The following NELL1 variants were observed in gnomAD, a reference collection of about 807,000 sequenced individuals.
The protein encoded by NELL1 is neural EGFL like 1.
NELL1 carries 76 observed loss-of-function variants against 107.4 expected under a neutral mutation model. The observed-to-expected ratio is 0.71, with a 90% CI of 0.59 to 0.86. The LOEUF (loss-of-function observed/expected upper bound fraction) is 0.86, where lower values mean the gene tolerates loss of function less well. Among genes scored for constraint, NELL1 ranks in the 40% least tolerant of loss-of-function variants. NELL1 has a pLI of 0.00. For missense variants in NELL1, 1,024 were observed against 1,005.5 expected, an observed-to-expected ratio of 1.02 and a Z score of -0.25; for synonymous variants, 353 against 341.2, an observed-to-expected ratio of 1.03 and a Z score of -0.38.
chr11:21,249,470 A>C (rs1858582695), intron 14 of NELL1, among the ~76,000 whole-genome samples: 1 of 151,946 alleles, frequency 6.6e-6, no homozygotes, highest in Non-Finnish European at 1.5e-5. Context: ...TATTGGTTAC[A>C]AAACCTAAGC....
At chr11:20,920,780 G>A (rs1473015862) in intron 7 of NELL1, among the ~76,000 whole-genome samples, 1 of 151,668 alleles carries the variant, frequency 6.6e-6, no homozygotes, top group Non-Finnish European at 1.5e-5. Flanking sequence ...TCTCTTTTTA[G>A]CCACACATCA....
chr11:20,802,646 G>C (rs1333090592), intron 3 of NELL1, among the ~76,000 whole-genome samples: 1 of 152,152 alleles, frequency 6.6e-6, no homozygotes, highest in African/African-American at 2.4e-5. Context: ...TCATGTTCCA[G>C]ATACTGGAGC....
At chr11:21,296,646 T>C (rs994312697) in intron 14 of NELL1, among the ~76,000 whole-genome samples, 7 of 151,930 alleles carry the variant, frequency 4.6e-5, no homozygotes, top group African/African-American at 1.7e-4. Context: ...TACTATGCAG[T>C]TGGATTCGTG....
chr11:21,056,273 A>G (rs907170692), intron 12 of NELL1, among the ~76,000 whole-genome samples: 1 of 152,186 alleles, frequency 6.6e-6, no homozygotes, highest in African/African-American at 2.4e-5. Flanking sequence ...ATAATATGAC[A>G]TCGTATTATC....
chr11:21,484,548 A>T (rs769597160), intron 15 of NELL1, among the ~76,000 whole-genome samples: 13 of 152,062 alleles, frequency 8.5e-5, no homozygotes, highest in Non-Finnish European at 1.2e-4. Flanking sequence ...ATATATATGT[A>T]GGCTTGTGTT....
intron 14 of NELL1, among the ~76,000 whole-genome samples, chr11:21,271,477 A>G (rs1174107852): frequency 2.0e-5 from 3 of 152,206 alleles, no homozygotes; most frequent in Non-Finnish European, 4.4e-5. Context: ...AAATTGAACC[A>G]ATAATTAATA....
intron 13 of NELL1, among the ~76,000 whole-genome samples, chr11:21,216,678 T>C (rs959017207): frequency 6.6e-6 from 1 of 152,130 alleles, no homozygotes; most frequent in African/African-American, 2.4e-5. Flanking sequence ...TGTGGCCCCT[T>C]TGTTTTGGCC....
At chr11:20,925,379 C>G (rs529884751) in intron 7 of NELL1, among the ~76,000 whole-genome samples, 1 of 150,952 alleles carries the variant, frequency 6.6e-6, no homozygotes, top group Admixed American at 6.6e-5. Context: ...CTCCCAGGTT[C>G]AAGAGATTCT....
chr11:20,964,854 GC>G (rs1851358391), intron 12 of NELL1, among the ~76,000 whole-genome samples: 3 of 151,980 alleles, frequency 2.0e-5, no homozygotes, highest in Non-Finnish European at 2.9e-5. Context: ...CCAGGTCAGG[GC>G]TTCTCCTTTA....
intron 3 of NELL1, among the ~76,000 whole-genome samples, chr11:20,819,689 C>A (rs1857707401): frequency 6.6e-6 from 1 of 152,160 alleles, no homozygotes. Flanking sequence ...CTTCTTTAAG[C>A]CAGTGTAGAC....
At chr11:20,805,606 G>A (rs1344107925) in intron 3 of NELL1, among the ~76,000 whole-genome samples, 9 of 152,154 alleles carry the variant, frequency 5.9e-5, no homozygotes, top group South Asian at 2.1e-4. Context: ...TGCAGGCTCC[G>A]CCTCCCAGGT....
chr11:21,101,613 G>A (rs1400912858), intron 12 of NELL1, among the ~76,000 whole-genome samples: 1 of 152,020 alleles, frequency 6.6e-6, no homozygotes, highest in African/African-American at 2.4e-5. Flanking sequence ...TTTTTCATGT[G>A]TCTTTTGGCT....
At chr11:21,081,390 T>G (rs1455714674) in intron 12 of NELL1, among the ~76,000 whole-genome samples, 2 of 152,166 alleles carry the variant, frequency 1.3e-5, no homozygotes, top group African/African-American at 4.8e-5. Context: ...TTTCCTTTTT[T>G]TCCCCCCTAT....
chr11:21,560,218 A>G lies in NELL1; in HGVS notation c.1816A>G (p.Thr606Ala). ...DIDECALRTH[T>A]CWNDSACINL... Reference sequence around the variant, plus strand: ...TGATGAATGTGCCTTAAGAACTCACACCTGTTGGAACGATTCTGCCTGCAT... The same window carrying G: ...TGATGAATGTGCCTTAAGAACTCACGCCTGTTGGAACGATTCTGCCTGCAT... Residue 606 changes from threonine to alanine, a missense_variant, in exon 17 of 20, where the codon ACC (threonine) becomes GCC (alanine). By Grantham distance (58) the Thr-to-Ala change is moderately conservative (BLOSUM62 0). Coordinates refer to ENST00000357134, the MANE Select transcript of NELL1 (RefSeq NM_006157.5). 1 of 1,613,656 alleles carries G rather than the reference A, an allele frequency of 6.2e-7. No individual in the cohort carries two copies. The highest frequency in any genetic ancestry group is 8.5e-7 in the Non-Finnish European group (1 of 1,179,720).
chr11:21,081,498 A>G (rs1345500218), intron 12 of NELL1, among the ~76,000 whole-genome samples: 1 of 152,146 alleles, frequency 6.6e-6, no homozygotes, highest in African/African-American at 2.4e-5. Flanking sequence ...AGCTCACAAA[A>G]TAGTGTGTCT....
intron 3 of NELL1, among the ~76,000 whole-genome samples, chr11:20,795,335 A>T (rs570831381): frequency 6.6e-6 from 1 of 152,348 alleles, no homozygotes; most frequent in African/African-American, 2.4e-5. Flanking sequence ...AGTAATTGAA[A>T]TAGGCTCTTT....
chr11:21,220,558 T>C (rs1857729862), intron 13 of NELL1, among the ~76,000 whole-genome samples: 1 of 152,176 alleles, frequency 6.6e-6, no homozygotes, highest in African/African-American at 2.4e-5. Context: ...TTTATCAATG[T>C]TTTGTAGTCT....
chr11:21,328,581 G>T (rs12805238), intron 14 of NELL1, among the ~76,000 whole-genome samples: 3 of 151,902 alleles, frequency 2.0e-5, no homozygotes, highest in East Asian at 3.9e-4. Flanking sequence ...GAGGGCCACC[G>T]TTCTCCTGAC....
At chr11:20,922,123 T>C (rs190579383) in intron 7 of NELL1, among the ~76,000 whole-genome samples, 1 of 152,210 alleles carries the variant, frequency 6.6e-6, no homozygotes, top group Admixed American at 6.5e-5. Context: ...GGCCAAATCT[T>C]TATATAGGGG....
Sources: gnomAD v4.1 joint callset for allele counts (sites outside exome capture counted in the v4.1 genomes callset) on GRCh38, gnomAD v4.1.1 for gene constraint, MANE v1.5 for transcripts, NCBI Gene and HGNC (gene_info 2026-07-23, HGNC 2026-07-21) for gene names.